Variants in XNDC1N observed in about 807,000 individuals in gnomAD.
XNDC1N encodes the protein protein XNDC1N.
chr11:71,914,490 C>T, the XNDC1N span: 2 of 406,036 alleles, frequency 4.9e-6, no homozygotes, highest in African/African-American at 4.2e-5. Flanking sequence ...AGTTTGAGAC[C>T]AGCCTGGTCA....
the XNDC1N span, among the ~76,000 whole-genome samples, chr11:71,922,497 C>T: frequency 6.6e-6 from 1 of 152,086 alleles, no homozygotes; most frequent in Non-Finnish European, 1.5e-5. Flanking sequence ...GAAATGGGAT[C>T]TCCCTGTGTT....
chr11:71,894,384 C>G, the XNDC1N span: 1 of 302,950 alleles, frequency 3.3e-6, no homozygotes, highest in Non-Finnish European at 6.2e-6. Flanking sequence ...GGAGGCTGCT[C>G]AGCAGAACAG....
chr11:71,872,413 G>A, the XNDC1N span, among the ~76,000 whole-genome samples: 6 of 152,166 alleles, frequency 3.9e-5, no homozygotes, highest in Non-Finnish European at 7.3e-5. Flanking sequence ...TTCATAAAAT[G>A]TGTTGAGTAA....
chr11:71,878,827 C>CAA, the XNDC1N span, among the ~76,000 whole-genome samples: 1 of 120,232 alleles, frequency 8.3e-6, no homozygotes, highest in Non-Finnish European at 1.8e-5. Context: ...CCCATCTCTA[C>CAA]AAAAAAAAAA....
At chr11:71,885,139 G>A in the XNDC1N span, among the ~76,000 whole-genome samples, 1 of 150,888 alleles carries the variant, frequency 6.6e-6, no homozygotes, top group Non-Finnish European at 1.5e-5. Context: ...TGTATTGGGT[G>A]TCATATCATC....
the XNDC1N span, among the ~76,000 whole-genome samples, chr11:71,911,106 T>C: frequency 3.7e-4 from 56 of 152,350 alleles, no homozygotes; most frequent in Non-Finnish European, 1.9e-4. Flanking sequence ...ATGGCCCCCC[T>C]GTTGGAGGGC....
chr11:71,886,264 C>T, the XNDC1N span, among the ~76,000 whole-genome samples: 1 of 152,164 alleles, frequency 6.6e-6, no homozygotes. Context: ...GACCCACAAC[C>T]CCACCTGGGC....
the XNDC1N span, chr11:71,928,493 A>G: frequency 2.8e-6 from 2 of 702,558 alleles, no homozygotes; most frequent in Non-Finnish European, 5.2e-6. Flanking sequence ...CTTCCGTAGC[A>G]CAGGAATGCG....
At chr11:71,904,709 G>A in the XNDC1N span, among the ~76,000 whole-genome samples, 9 of 152,094 alleles carry the variant, frequency 5.9e-5, no homozygotes, top group African/African-American at 1.9e-4. Context: ...TGACACAGGC[G>A]GTTGACACAC....
chr11:71,913,775 C>T, the XNDC1N span, among the ~76,000 whole-genome samples: 1 of 151,920 alleles, frequency 6.6e-6, no homozygotes, highest in Non-Finnish European at 1.5e-5. Context: ...CTAACTCTCT[C>T]GTTAGGGCTA....
chr11:71,924,839 A>AATT, the XNDC1N span, among the ~76,000 whole-genome samples: 1 of 152,160 alleles, frequency 6.6e-6, no homozygotes, highest in African/African-American at 2.4e-5. Context: ...TGCTGAAAGG[A>AATT]GTTTTTAAAG....
chr11:71,895,399 TC>T, the XNDC1N span, among the ~76,000 whole-genome samples: 1 of 151,622 alleles, frequency 6.6e-6, no homozygotes, highest in Non-Finnish European at 1.5e-5. Flanking sequence ...AACTTCTGCC[TC>T]CCCTATTCAA....
At chr11:71,900,546 T>C in the XNDC1N span, among the ~76,000 whole-genome samples, 8 of 152,280 alleles carry the variant, frequency 5.3e-5, no homozygotes, top group South Asian at 1.4e-3. Flanking sequence ...AGAAATCTTA[T>C]TCAAAATTTT....
At chr11:71,928,438 GGCCTTCTGACCTTC>G in the XNDC1N span, 12 of 701,432 alleles carry the variant, frequency 1.7e-5, no homozygotes, top group Non-Finnish European at 2.1e-5. Context: ...CCGCCAATTC[GGCCTTCTGACCTTC>G]GCCTTCTGAC....
the XNDC1N span, chr11:71,918,882 C>T: frequency 1.4e-6 from 1 of 702,282 alleles, no homozygotes; most frequent in African/African-American, 1.7e-5. Context: ...ACAGAGAACT[C>T]ACCCACATCA....
the XNDC1N span, among the ~76,000 whole-genome samples, chr11:71,881,532 T>G: frequency 6.6e-6 from 1 of 152,192 alleles, no homozygotes; most frequent in Non-Finnish European, 1.5e-5. Context: ...TGGCATTTTT[T>G]TGTGCACATG....
chr11:71,888,424 C>A, the XNDC1N span, among the ~76,000 whole-genome samples: 1 of 152,136 alleles, frequency 6.6e-6, no homozygotes, highest in Non-Finnish European at 1.5e-5. Flanking sequence ...GACCGGGAAA[C>A]TTTGGAATGC....
the XNDC1N span, among the ~76,000 whole-genome samples, chr11:71,911,758 A>G: frequency 6.6e-6 from 1 of 152,200 alleles, no homozygotes; most frequent in Non-Finnish European, 1.5e-5. Flanking sequence ...AACAGTATGG[A>G]AACCCCACAA....
chr11:71,898,623 A>T, the XNDC1N span, among the ~76,000 whole-genome samples: 2 of 152,130 alleles, frequency 1.3e-5, no homozygotes, highest in African/African-American at 2.4e-5. Flanking sequence ...AAAACAATTA[A>T]ATACAGTATG....
Sources: allele counts gnomAD v4.1 joint callset (sites outside exome capture counted in the v4.1 genomes callset), GRCh38; gene constraint gnomAD v4.1.1; transcripts MANE v1.5; gene names NCBI Gene and HGNC (gene_info 2026-07-23, HGNC 2026-07-21).